ZNF454: variants seen among roughly 807,000 people sequenced by gnomAD.
ZNF454 encodes zinc finger protein 454.
ZNF454 carries 30 observed loss-of-function variants against 48.2 expected under a neutral mutation model. That is an observed-to-expected ratio of 0.62 (90% CI 0.47 to 0.84). The LOEUF (loss-of-function observed/expected upper bound fraction) is 0.84. ZNF454 is among the 40% of genes least tolerant of loss of function. ZNF454 has a pLI of 0.00. For missense variants in ZNF454, 510 were observed against 623.1 expected, an observed-to-expected ratio of 0.82 and a Z score of 1.93; for synonymous variants, 204 against 211.4, an observed-to-expected ratio of 0.97 and a Z score of 0.30.
At position 178,957,174 on chromosome 5, in the gene ZNF454, G is replaced by A. The variant is rs537424213; in HGVS notation, c.251-7481G>A. 3.9e-3 allele frequency among the ~76,000 whole-genome samples: 588 copies of A among 151,758 alleles called. 14 individuals are homozygous for A. The highest frequency in any genetic ancestry group is 9.1e-4 in the Non-Finnish European group (62 of 67,824). ...TGGGATTACAGGCGTGAGCCACCGC[G>A]CCCGGCCCAGTCTTTCTTATTTTAT... On this transcript the variant is annotated intron_variant, in intron 4 of 4. Transcript: ENST00000519564.
chr5:178,982,364 G>A, the ZNF454 span, among the ~76,000 whole-genome samples: 1 of 152,066 alleles, frequency 6.6e-6, no homozygotes, highest in Non-Finnish European at 1.5e-5. Flanking sequence ...GGTCACTTGA[G>A]GTCAAGAATT....
In ZNF454 at chr5:178,941,237, G is replaced by A; in HGVS notation, c.-315G>A. ...GACTCCAGCTCATTGTGTTCTGACT[G>A]CGATGTGGCGCTTGCGATCTCTCGC... On this transcript the variant is annotated 5_prime_UTR_variant, in exon 1 of 5. Transcript: ENST00000519564. The surrounding 1 kb of genome is among the most constrained non-coding windows in gnomAD (Gnocchi z 5.5). 1 of 389,998 alleles carries A rather than the reference G, an allele frequency of 2.6e-6. No individual in the cohort carries two copies. 24.2% of individuals were successfully genotyped at this position (389,998 alleles called of 1,614,324 possible).
chr5:178,957,818 G>C (rs1759837524), intron 4 of ZNF454, among the ~76,000 whole-genome samples: 1 of 152,136 alleles, frequency 6.6e-6, no homozygotes, highest in Non-Finnish European at 1.5e-5. Flanking sequence ...TTAATTTTCA[G>C]TGTGGTCAAA....
At chr5:178,986,286 G>A in the ZNF454 span, 1 of 1,614,098 alleles carries the variant, frequency 6.2e-7, no homozygotes, top group Non-Finnish European at 8.5e-7. Context: ...CCAGGCCCAG[G>A]AAGAGCCTGC....
chr5:178,985,711 A>AAAC, the ZNF454 span: 1 of 416,354 alleles, frequency 2.4e-6, no homozygotes, highest in Admixed American at 3.0e-5. Context: ...TAAAAAAAAA[A>AAAC]AAACAAAACA....
chr5:178,964,585 C>A, intron 4 of ZNF454, 70 bp from the exon 5 acceptor site: 1 of 1,162,292 alleles, frequency 8.6e-7, no homozygotes, highest in Non-Finnish European at 1.2e-6. Context: ...TATGAAGAGG[C>A]TCGTCATCTT....
the ZNF454 span, among the ~76,000 whole-genome samples, chr5:178,974,358 C>T: frequency 1.3e-5 from 2 of 152,004 alleles, no homozygotes; most frequent in East Asian, 1.9e-4. Context: ...CTCGCTGTGT[C>T]GCCAGGCTGG....
downstream of ZNF454, chr5:178,966,452 A>C (rs1310619620): frequency 6.6e-6 from 1 of 152,340 alleles, no homozygotes; most frequent in African/African-American, 2.4e-5. Flanking sequence ...AAAAAAAAAA[A>C]AGAATGGCAA....
intron 4 of ZNF454, chr5:178,948,188 T>C (rs1156929589): frequency 6.6e-6 from 1 of 152,134 alleles, no homozygotes; most frequent in Non-Finnish European, 1.5e-5. Flanking sequence ...GTGCTGGGAT[T>C]ACAGGCGTGA....
intron 4 of ZNF454, chr5:178,948,052 T>C (rs10061877): frequency 0.69 from 105,529 of 151,900 alleles, 36,724 homozygotes; most frequent in African/African-American, 0.71. Flanking sequence ...GTAGCTGGGA[T>C]TACAGGCGTG....
rs1394151209 is a variant in ZNF454 at position 178,941,875 on chromosome 5, G to A, written c.-108+431G>A. Among the ~76,000 whole-genome samples the A allele has an allele frequency of 6.6e-6, 1 of 152,202 alleles. No individual in the cohort carries two copies. The highest frequency in any genetic ancestry group is 1.9e-4 in the East Asian group (1 of 5,174). On this transcript the variant is annotated intron_variant, in intron 1 of 4. Coordinates refer to ENST00000519564, the MANE Select transcript of ZNF454 (RefSeq NM_001178089.3). This position sits in a 1 kb window ranked among gnomAD's most constrained non-coding sequence, Gnocchi z 5.5. ...AGGCCAGAGAAGGGTTTGCCTGAGA[G>A]GCTTCGACAGTGAAGAGCCTTCTTA... is the stretch of plus-strand genomic sequence containing the variant.
In ZNF454 at chr5:178,941,755, T is replaced by TC; in HGVS notation, c.-108+314dup. Among the ~76,000 whole-genome samples the TC allele has an allele frequency of 6.6e-6, 1 of 152,010 alleles. No homozygotes were observed. The highest frequency in any genetic ancestry group is 6.5e-5 in the Admixed American group (1 of 15,270). On this transcript the variant is annotated intron_variant, in intron 1 of 4. Coordinates refer to ENST00000519564, the MANE Select transcript of ZNF454 (RefSeq NM_001178089.3). This position sits in a 1 kb window ranked among gnomAD's most constrained non-coding sequence, Gnocchi z 5.5. ...GTGTGTGATTAGGGTTCCTAACCCT[T>TC]CCCTCTCCCCTCCCGCCCAGCTCAC...
chr5:178,986,441 C>T, the ZNF454 span: 115 of 1,613,112 alleles, frequency 7.1e-5, no homozygotes, highest in Non-Finnish European at 8.5e-5. Flanking sequence ...ACGAAGGTGG[C>T]CACCACCGTG....
At chr5:178,989,083 C>G in the ZNF454 span, 2 of 1,614,106 alleles carry the variant, frequency 1.2e-6, no homozygotes, top group Non-Finnish European at 1.7e-6. Flanking sequence ...CAATCACAAA[C>G]TGCACCTTGC....
chr5:178,981,451 T>G, the ZNF454 span: 1 of 579,430 alleles, frequency 1.7e-6, no homozygotes, highest in South Asian at 2.1e-5. The surrounding 1 kb of genome is among the most constrained non-coding windows in gnomAD (Gnocchi z 5.1). Context: ...TGGTCTGTGG[T>G]GAGGAAGCAT....
At chr5:178,961,296 A>G (rs1760006762) in intron 4 of ZNF454, among the ~76,000 whole-genome samples, 1 of 151,526 alleles carries the variant, frequency 6.6e-6, no homozygotes, top group Admixed American at 6.6e-5. Flanking sequence ...CTACTATCCT[A>G]TTATTTATTT....
chr5:178,959,827 G>C (rs917328853), intron 4 of ZNF454, among the ~76,000 whole-genome samples: 1 of 151,984 alleles, frequency 6.6e-6, no homozygotes, highest in East Asian at 2.0e-4. Flanking sequence ...GGATGGTCTC[G>C]ATCTCCTGAC....
the ZNF454 span, chr5:178,989,286 C>CATCT: frequency 6.2e-7 from 1 of 1,604,228 alleles, no homozygotes; most frequent in Non-Finnish European, 8.5e-7. Flanking sequence ...CGGGTGGAAT[C>CATCT]GTCTGACTGG....
the ZNF454 span, among the ~76,000 whole-genome samples, chr5:178,975,495 A>G: frequency 6.6e-6 from 1 of 152,224 alleles, no homozygotes; most frequent in Non-Finnish European, 1.5e-5. Context: ...TCTGCATGTA[A>G]TATACTCTGA....
Sources: allele counts gnomAD v4.1 joint callset (sites outside exome capture counted in the v4.1 genomes callset), GRCh38; gene constraint gnomAD v4.1.1; non-coding constraint Gnocchi (gnomAD v3.1); transcripts MANE v1.5; gene names NCBI Gene and HGNC (gene_info 2026-07-23, HGNC 2026-07-21).